Variants in PRDM4 observed in about 807,000 individuals in gnomAD.
The protein encoded by PRDM4 is PR domain zinc finger protein 4.
Under a neutral mutation model 62.3 loss-of-function variants are expected in PRDM4, and 38 were observed. The observed-to-expected ratio is 0.61, with a 90% CI of 0.47 to 0.80. The LOEUF (loss-of-function observed/expected upper bound fraction) is 0.80, where lower values mean the gene tolerates loss of function less well. Among genes scored for constraint, PRDM4 ranks in the 30% least tolerant of loss-of-function variants. PRDM4 has a pLI of 0.00. For missense variants in PRDM4, 858 were observed against 997.1 expected (o/e 0.86, Z 1.88); for synonymous variants, 339 against 348.2 (o/e 0.97, Z 0.30).
chr12:107,760,996 CT>C lies in PRDM4; in HGVS notation c.-297del, dbSNP rs1364736781. ...GGGGGCGCACGCGCCTGCCCCACTG[CT>C]TTGTTCCTCATCCGGGCAGAGTTCG... On this transcript the variant is annotated 5_prime_UTR_variant, in exon 1 of 12. It removes the in-frame stop codon of an upstream open reading frame in the 5' UTR. Coordinates refer to ENST00000228437, the MANE Select transcript of PRDM4 (RefSeq NM_012406.4). 1 of 150,524 alleles carries C rather than the reference CT, an allele frequency of 6.6e-6. No homozygotes were observed. Among genetic ancestry groups the C allele is most frequent in the African/African-American group, 2.4e-5 (1 of 41,160 alleles). The allele number at this position is 150,524 out of a possible 1,614,324, so 9.3% of individuals were successfully genotyped here.
chr12:107,746,092 T>G (rs1890693744), intron 6 of PRDM4, among the ~76,000 whole-genome samples, 183 bp downstream of exon 6: 1 of 152,240 alleles, frequency 6.6e-6, no homozygotes, highest in Non-Finnish European at 1.5e-5. Context: ...CCCAATAAAG[T>G]TTTTGACTTG....
chr12:107,737,199 A>C (rs949432897), intron 11 of PRDM4, among the ~76,000 whole-genome samples: 7 of 150,828 alleles, frequency 4.6e-5, no homozygotes, highest in African/African-American at 1.5e-4. Context: ...TAGGGGGGGA[A>C]CTCCTCTTGC....
intron 8 of PRDM4, among the ~76,000 whole-genome samples, 185 bp downstream of exon 8, chr12:107,743,012 C>T (rs913123700): frequency 6.6e-6 from 1 of 152,140 alleles, no homozygotes; most frequent in South Asian, 2.1e-4. Context: ...AGCGATTCTC[C>T]CACCTCAGCC....
intron 11 of PRDM4, among the ~76,000 whole-genome samples, chr12:107,734,899 G>T (rs1476312475): frequency 6.6e-6 from 1 of 152,018 alleles, no homozygotes; most frequent in Non-Finnish European, 1.5e-5. Context: ...TATGGTACTG[G>T]ATTTGTCTCT....
At chr12:107,757,726 T>C (rs1253986379) in intron 2 of PRDM4, among the ~76,000 whole-genome samples, 2 of 148,044 alleles carry the variant, frequency 1.4e-5, no homozygotes, top group African/African-American at 5.1e-5. Context: ...CAAACTTTTT[T>C]TTAACTGCAC....
In PRDM4 at chr12:107,743,301, C is replaced by T. The variant is rs771096417; in HGVS notation, c.1396-19G>A. 5.8e-6 allele frequency: 9 copies of T among 1,552,022 alleles called. No homozygotes were observed. The highest frequency in any genetic ancestry group is 8.0e-6 in the Non-Finnish European group (9 of 1,124,238). ...GGTATATCTGCCAACAGAAAGCAAG[C>T]ACACATGTCAAATGCACTGACATGC... On this transcript the variant is annotated intron_variant, in intron 7 of 11. Coordinates refer to ENST00000228437, the MANE Select transcript of PRDM4 (RefSeq NM_012406.4).
Position 107,752,137 on chromosome 12 carries a change from T to C in PRDM4, c.404A>G (p.Asn135Ser), listed in dbSNP as rs200092802. Residue 135 changes from asparagine (N) to serine (S), a missense_variant, in exon 5 of 12, where the codon AAT (asparagine) becomes AGT (serine). By Grantham distance (46) the Asn-to-Ser change is conservative. Around this residue, in one of 3 missense-constraint regions of PRDM4, gnomAD observed 499 missense variants for 546.7 expected, o/e 0.91. Coordinates refer to ENST00000228437, the MANE Select transcript of PRDM4 (RefSeq NM_012406.4). ...IHPNSINVDG[N>S]TALSITNNPS... is the part of the protein sequence containing the mutation. ...GTTATTGGTGATAGATAATGCTGTA[T>C]TACCATCAACATTTATAGAGTTAGG... 5 of 1,600,192 alleles carry C rather than the reference T, an allele frequency of 3.1e-6. No homozygotes were observed.
chr12:107,754,558 T>A (rs1240656463), intron 3 of PRDM4, among the ~76,000 whole-genome samples: 1 of 152,050 alleles, frequency 6.6e-6, no homozygotes. Context: ...AATTTTTGTA[T>A]TTTTGCTAGA....
chr12:107,743,387 C>A, intron 7 of PRDM4, 105 bp from the exon 8 acceptor site: 1 of 748,988 alleles, frequency 1.3e-6, no homozygotes, highest in Non-Finnish European at 2.3e-6. Context: ...TGCAGTAGGT[C>A]CCAGCTTTCT....
Position 107,752,035 on chromosome 12 carries a change from G to A in PRDM4, c.506C>T (p.Ser169Phe), listed in dbSNP as rs766286605. ...EPGIVSIDSR[S>F]VNTHGAQSLH... is the part of the protein sequence containing the mutation. ...ACTTTGGGCACCATGTGTGTTCACA[G>A]AGCGAGAGTCTATTGAAACAATGCC... The change falls in exon 5 of 12, where the codon TCT (serine) becomes TTT (phenylalanine). Residue 169 changes from serine (S) to phenylalanine (F), a missense_variant. By Grantham distance (155) the Ser-to-Phe change is radical. Coordinates refer to ENST00000228437, the MANE Select transcript of PRDM4 (RefSeq NM_012406.4). 5.1e-5 allele frequency: 83 copies of A among 1,614,056 alleles called. 2 individuals carry two copies. In the South Asian group the frequency reaches 7.0e-4, roughly 14 times the overall value.
chr12:107,734,203 T>C lies in PRDM4; in HGVS notation c.*7A>G. On this transcript the variant is annotated 3_prime_UTR_variant, in exon 12 of 12. Coordinates refer to ENST00000228437, the MANE Select transcript of PRDM4 (RefSeq NM_012406.4). ...TTTTCATCCAAAATTGCTTGTTTCTTTTCCTTTTATTTATGTGCAGAAAGA... is the reference window on the plus strand; with the variant it reads ...TTTTCATCCAAAATTGCTTGTTTCTCTTCCTTTTATTTATGTGCAGAAAGA... 1 of 1,572,432 alleles carries C rather than the reference T, an allele frequency of 6.4e-7. No homozygotes were observed. The highest frequency in any genetic ancestry group is 8.6e-7 in the Non-Finnish European group (1 of 1,161,886).
chr12:107,760,760 G>T lies in PRDM4; in HGVS notation c.-245C>A. Reference sequence around the variant, plus strand: ...CTTCCGTCCAGAAGCTTCGGGAAGGGGGCTGCCCAACCTGGGGGAGTGGGG... The same window carrying T: ...CTTCCGTCCAGAAGCTTCGGGAAGGTGGCTGCCCAACCTGGGGGAGTGGGG... On this transcript the variant is annotated 5_prime_UTR_variant, in exon 2 of 12. Transcript: ENST00000228437. 1.9e-6 allele frequency: 1 copy of T among 530,524 alleles called. No individual in the cohort carries two copies. Among genetic ancestry groups the T allele is most frequent in the Non-Finnish European group, 3.4e-6 (1 of 297,106 alleles). 32.9% of individuals were successfully genotyped at this position (530,524 alleles called of 1,614,324 possible).
chr12:107,759,274 A>T (rs1891154210), intron 2 of PRDM4, among the ~76,000 whole-genome samples: 1 of 152,028 alleles, frequency 6.6e-6, no homozygotes, highest in Non-Finnish European at 1.5e-5. Context: ...AAAAGCAAAA[A>T]ATCCCTGTAG....
intron 7 of PRDM4, among the ~76,000 whole-genome samples, chr12:107,743,608 G>A (rs1411086967): frequency 1.3e-5 from 2 of 152,190 alleles, no homozygotes; most frequent in Non-Finnish European, 2.9e-5. Flanking sequence ...AGTAGGCACT[G>A]AATGACTGAA....
At chr12:107,747,427 C>G (rs988761547) in intron 5 of PRDM4, among the ~76,000 whole-genome samples, 2 of 152,054 alleles carry the variant, frequency 1.3e-5, no homozygotes, top group Admixed American at 6.5e-5. Flanking sequence ...GATGGTCAAC[C>G]AAGTTTTGAG....
intron 3 of PRDM4, among the ~76,000 whole-genome samples, chr12:107,756,595 A>G (rs1384085710): frequency 6.6e-6 from 1 of 152,142 alleles, no homozygotes; most frequent in African/African-American, 2.4e-5. Context: ...AAAGCTACCA[A>G]CTCAGAAGAG....
chr12:107,748,112 G>T (rs548583227), intron 5 of PRDM4, among the ~76,000 whole-genome samples: 59 of 152,262 alleles, frequency 3.9e-4, no homozygotes, highest in Non-Finnish European at 7.1e-4. Flanking sequence ...CCGGGAGGTG[G>T]AGGTTGCAGT....
chr12:107,740,877 A>G, intron 10 of PRDM4, 69 bp downstream of exon 10: 1 of 1,479,720 alleles, frequency 6.8e-7, no homozygotes, highest in Non-Finnish European at 9.2e-7. Flanking sequence ...CAATCCCTCT[A>G]CAAAGCCTTT....
At chr12:107,739,613 C>T in intron 10 of PRDM4, 62 bp from the exon 11 acceptor site, 8 of 1,515,874 alleles carry the variant, frequency 5.3e-6, no homozygotes, top group Non-Finnish European at 7.2e-6. Context: ...CCAAGACACA[C>T]AGGCACACAT....
Sources: gnomAD v4.1 joint callset for allele counts (sites outside exome capture counted in the v4.1 genomes callset) on GRCh38, gnomAD v4.1.1 for gene constraint, gnomAD v4.1.1 regional missense constraint, MANE v1.5 for transcripts, NCBI Gene and HGNC (gene_info 2026-07-23, HGNC 2026-07-21) for gene names.